SPTBN2: variants seen among roughly 807,000 people sequenced by gnomAD.
SPTBN2 encodes the protein spectrin beta chain, non-erythrocytic 2.
SPTBN2 carries 107 observed loss-of-function variants against 284.2 expected under a neutral mutation model. That is an observed-to-expected ratio of 0.38 (90% CI 0.32 to 0.44). The LOEUF (loss-of-function observed/expected upper bound fraction) is 0.44. Among genes scored for constraint, SPTBN2 ranks in the 20% least tolerant of loss-of-function variants. SPTBN2 has a pLI of 1.00. For missense variants in SPTBN2, 2,569 were observed against 3,287.1 expected (o/e 0.78, Z 5.34); for synonymous variants, 1,289 against 1,354.8 (o/e 0.95, Z 1.07).
At chr11:66,722,279 A>G (rs1365256331) in intron 1 of SPTBN2, among the ~76,000 whole-genome samples, 1 of 152,088 alleles carries the variant, frequency 6.6e-6, no homozygotes, top group East Asian at 1.9e-4. Context: ...AAGCTGCACA[A>G]AAGATATTAA....
Position 66,704,871 on chromosome 11 carries a change from G to C in SPTBN2, c.2405C>G (p.Thr802Ser). Residue 802 changes from threonine to serine, a missense_variant, in exon 15 of 38, where the codon ACC (threonine) becomes AGC (serine). Thr to Ser is a moderately conservative substitution (Grantham distance 58). Coordinates refer to ENST00000533211, the MANE Select transcript of SPTBN2 (RefSeq NM_006946.4). ...LEEEIRSHRP[T>S]LDALREQAAA... ...TGCCTGTTCCCTCAAGGCGTCCAGG[G>C]TTGGCCGGTGGCTTCGAATCTCCTC... The C allele has an allele frequency of 6.2e-7, 1 of 1,610,644 alleles. No homozygotes were observed. Among genetic ancestry groups the C allele is most frequent in the Non-Finnish European group, 8.5e-7 (1 of 1,179,876 alleles).
At chr11:66,709,573 T>C (rs561280783) in intron 10 of SPTBN2, among the ~76,000 whole-genome samples, 1 of 152,380 alleles carries the variant, frequency 6.6e-6, no homozygotes, top group Admixed American at 6.5e-5. Flanking sequence ...TTTCAGTGGC[T>C]GCCCATGACT....
At chr11:66,713,255 C>A (rs1941971053) in intron 8 of SPTBN2, among the ~76,000 whole-genome samples, 1 of 151,458 alleles carries the variant, frequency 6.6e-6, no homozygotes, top group Non-Finnish European at 1.5e-5. Context: ...ATTGTCACAC[C>A]ATAAAATTCA....
chr11:66,694,664 C>A (rs143379919), intron 21 of SPTBN2, among the ~76,000 whole-genome samples: 1 of 152,206 alleles, frequency 6.6e-6, no homozygotes, highest in African/African-American at 2.4e-5. Flanking sequence ...CACCCACACC[C>A]GCGAATCTAA....
intron 29 of SPTBN2, 119 bp downstream of exon 29, chr11:66,689,686 G>A: frequency 1.4e-6 from 2 of 1,476,444 alleles, no homozygotes; most frequent in South Asian, 1.1e-5. Flanking sequence ...GAATGGCACT[G>A]AGGGGAGAGA....
intron 1 of SPTBN2, chr11:66,728,251 G>T: frequency 6.9e-6 from 1 of 145,750 alleles, no homozygotes; most frequent in South Asian, 2.0e-4. Context: ...CGCGACGGGC[G>T]GTTGCAGGCA....
At chr11:66,716,300 G>A (rs1309598785) in intron 3 of SPTBN2, among the ~76,000 whole-genome samples, 3 of 152,086 alleles carry the variant, frequency 2.0e-5, no homozygotes, top group Admixed American at 6.6e-5. Flanking sequence ...TGGCTAACAC[G>A]GTGAAACCCC....
Position 66,705,061 on chromosome 11 carries a change from G to A in SPTBN2, c.2215C>T (p.Arg739Cys), listed in dbSNP as rs376230007. Reference sequence around the variant, plus strand: ...GCGGCTTGGGCCAGCCGCTGGGCACGCTCCTCGGCCAGGGCCTCTAGCCGC... The same window carrying A: ...GCGGCTTGGGCCAGCCGCTGGGCACACTCCTCGGCCAGGGCCTCTAGCCGC... ...WERLEALAEE[R>C]AQRLAQAASL... Residue 739 changes from arginine to cysteine, a missense_variant, in exon 15 of 38, where the codon CGT (arginine) becomes TGT (cysteine). Coordinates refer to ENST00000533211, the MANE Select transcript of SPTBN2 (RefSeq NM_006946.4). 12 of 1,592,806 alleles carry A rather than the reference G, an allele frequency of 7.5e-6. No individual in the cohort carries two copies. Among genetic ancestry groups the A allele is most frequent in the African/African-American group, 5.4e-5 (4 of 74,742 alleles).
intron 13 of SPTBN2, among the ~76,000 whole-genome samples, chr11:66,706,419 C>T (rs1335280087): frequency 2.6e-5 from 4 of 152,204 alleles, no homozygotes; most frequent in Non-Finnish European, 5.9e-5. Context: ...CAACCTCCAC[C>T]TCCCAGGTCC....
At position 66,710,479 on chromosome 11, in the gene SPTBN2, C is replaced by T; in HGVS notation, c.1073+103G>A. The T allele has an allele frequency of 8.5e-7, 1 of 1,176,562 alleles. No homozygotes were observed. The highest frequency in any genetic ancestry group is 1.2e-6 in the Non-Finnish European group (1 of 811,518). 72.9% of individuals were successfully genotyped at this position (1,176,562 alleles called of 1,614,324 possible). A position where few individuals can be genotyped will look rare whatever the true frequency, so the allele number is the denominator to read the frequency against. On this transcript the variant is annotated intron_variant, in intron 10 of 37. Coordinates refer to ENST00000533211, the MANE Select transcript of SPTBN2 (RefSeq NM_006946.4). The surrounding 1 kb of genome is among the most constrained non-coding windows in gnomAD (Gnocchi z 4.9). ...CTTCTGGTGTGGGAAATCTCCACTG[C>T]ATTTATGTACTGCCAAATTTCCCTC...
In SPTBN2 at chr11:66,693,693, G is replaced by C; in HGVS notation, c.4593+79C>G. 1.4e-6 allele frequency: 2 copies of C among 1,421,062 alleles called. No homozygotes were observed. Among genetic ancestry groups the C allele is most frequent in the Admixed American group, 3.9e-5 (2 of 51,038 alleles). The allele number at this position is 1,421,062 out of a possible 1,614,324, so 88.0% of individuals were successfully genotyped here. On this transcript the variant is annotated intron_variant, in intron 23 of 37. Coordinates refer to ENST00000533211, the MANE Select transcript of SPTBN2 (RefSeq NM_006946.4). The surrounding 1 kb of genome is among the most constrained non-coding windows in gnomAD (Gnocchi z 5.7). ...AGGGTTACACTCAGCATCGAGGGGG[G>C]CCTGGTCTTAAGAAAAAACACGTCC...
intron 1 of SPTBN2, among the ~76,000 whole-genome samples, chr11:66,723,173 A>G (rs1217528714): frequency 6.6e-6 from 1 of 151,976 alleles, no homozygotes; most frequent in Non-Finnish European, 1.5e-5. Context: ...CCTCAAAACT[A>G]AAAAATGAGG....
In SPTBN2 at chr11:66,687,907, TC is replaced by T; in HGVS notation, c.6461del (p.Gly2154AspfsTer163). 1.2e-6 allele frequency: 2 copies of T among 1,614,132 alleles called. No individual in the cohort carries two copies. The highest frequency in any genetic ancestry group is 1.7e-6 in the Non-Finnish European group (2 of 1,180,016). On this transcript the variant is annotated frameshift_variant, in exon 34 of 38. Transcript: ENST00000533211. LOFTEE classifies it high-confidence loss of function. This position sits in a 1 kb window ranked among gnomAD's most constrained non-coding sequence, Gnocchi z 5.2. ...AGCTGCTGTGCTCAAGTCTCTGTTGTCCCAGCAGGGGCTGCAAGGACAAGAA... is the reference window on the plus strand; with the variant it reads ...AGCTGCTGTGCTCAAGTCTCTGTTGTCCAGCAGGGGCTGCAAGGACAAGAA... The part of the protein sequence containing the change: ...TDGEPSQPLL[G>X]QQRLEHSSFP...
In SPTBN2 at chr11:66,687,928, CAAG is replaced by C; in HGVS notation, c.6451-13_6451-11del. On this transcript the variant is annotated splice_polypyrimidine_tract_variant and intron_variant, in intron 33 of 37. Transcript: ENST00000533211. This position sits in a 1 kb window ranked among gnomAD's most constrained non-coding sequence, Gnocchi z 5.2. Reference sequence around the variant, plus strand: ...GTTGTCCCAGCAGGGGCTGCAAGGACAAGAATCTGTAAAAGGATGTGCGGGGGT... The same window carrying C: ...GTTGTCCCAGCAGGGGCTGCAAGGACAATCTGTAAAAGGATGTGCGGGGGT... The C allele has an allele frequency of 6.2e-7, 1 of 1,614,174 alleles. No individual in the cohort carries two copies. Among genetic ancestry groups the C allele is most frequent in the Non-Finnish European group, 8.5e-7 (1 of 1,180,034 alleles).
In SPTBN2 at chr11:66,687,903, G is replaced by C. The variant is rs1381155111; in HGVS notation, c.6466C>G (p.Gln2156Glu). 3.1e-6 allele frequency: 5 copies of C among 1,614,210 alleles called. No individual in the cohort carries two copies. The South Asian group carries it at 5.5e-5, about 18-fold the overall frequency. ...GGGAAGCTGCTGTGCTCAAGTCTCT[G>C]TTGTCCCAGCAGGGGCTGCAAGGAC... ...GEPSQPLLGQQRLEHSSFPEG... is the reference protein window; with the variant it reads ...GEPSQPLLGQERLEHSSFPEG... The change falls in exon 34 of 38, where the codon CAG becomes GAG. Residue 2156 changes from glutamine (Q) to glutamate (E), a missense_variant. By Grantham distance (29) the Gln-to-Glu change is conservative. Transcript: ENST00000533211. The surrounding 1 kb of genome is among the most constrained non-coding windows in gnomAD (Gnocchi z 5.2).
In SPTBN2 at chr11:66,707,461, G is replaced by A. The variant is rs1271337226; in HGVS notation, c.1653+55C>T. Reference sequence around the variant, plus strand: ...GCAGACGGGCGGACGCACCCACTGTGGGGCCCCCTCGACTCTTGATCACTC... The same window carrying A: ...GCAGACGGGCGGACGCACCCACTGTAGGGCCCCCTCGACTCTTGATCACTC... On this transcript the variant is annotated intron_variant, in intron 13 of 37. Coordinates refer to ENST00000533211, the MANE Select transcript of SPTBN2 (RefSeq NM_006946.4). The surrounding 1 kb of genome is among the most constrained non-coding windows in gnomAD (Gnocchi z 4.9). 8.4e-6 allele frequency: 13 copies of A among 1,546,152 alleles called. No homozygotes were observed. The highest frequency in any genetic ancestry group is 1.4e-5 in the African/African-American group (1 of 73,216).
At position 66,686,864 on chromosome 11, in the gene SPTBN2, C is replaced by G. The variant is rs1940150486; in HGVS notation, c.6896+130G>C. ...CCGCCTCCCTCATCTACACTATCCC[C>G]AAGTGGCTGGCCTGGTTACTCCACT... On this transcript the variant is annotated intron_variant, in intron 36 of 37. Transcript: ENST00000533211. 3.2e-6 allele frequency: 4 copies of G among 1,244,754 alleles called. No homozygotes were observed. In the Admixed American group the frequency reaches 6.9e-5, roughly 22 times the overall value. The allele number at this position is 1,244,754 out of a possible 1,614,324, so 77.1% of individuals were successfully genotyped here.
rs753580074 is a variant in SPTBN2 at position 66,691,702 on chromosome 11, G to T, written c.5191-44C>A. The T allele has an allele frequency of 8.1e-6, 13 of 1,611,590 alleles. No individual in the cohort carries two copies. In the South Asian group the frequency reaches 1.3e-4, roughly 16 times the overall value. ...GGACAGACCATGCCGTGATGTTAGG[G>T]GATGTGGTCCCTGCCTGATGGAGCG... On this transcript the variant is annotated intron_variant, in intron 26 of 37. Coordinates refer to ENST00000533211, the MANE Select transcript of SPTBN2 (RefSeq NM_006946.4). The surrounding 1 kb of genome is among the most constrained non-coding windows in gnomAD (Gnocchi z 8.0).
In SPTBN2 at chr11:66,687,097, T is replaced by A. The variant is rs1185053921; in HGVS notation, c.6793A>T (p.Ser2265Cys). Residue 2265 changes from serine (S) to cysteine (C), a missense_variant, in exon 36 of 38, where the codon AGC becomes TGC. Ser to Cys is a moderately radical substitution (Grantham distance 112). Coordinates refer to ENST00000533211, the MANE Select transcript of SPTBN2 (RefSeq NM_006946.4). This position sits in a 1 kb window ranked among gnomAD's most constrained non-coding sequence, Gnocchi z 5.2. ...LGFYKDAKAA[S>C]AGVPYHGEVP... ...TCTCCGTGGTATGGCACTCCCGCGC[T>A]GGCTGCCTTGGCATCCTTGTAAAAG... 1 of 1,614,002 alleles carries A rather than the reference T, an allele frequency of 6.2e-7. No individual in the cohort carries two copies. The highest frequency in any genetic ancestry group is 8.5e-7 in the Non-Finnish European group (1 of 1,180,050).
Sources: allele counts gnomAD v4.1 joint callset (sites outside exome capture counted in the v4.1 genomes callset), GRCh38; gene constraint gnomAD v4.1.1; non-coding constraint Gnocchi (gnomAD v3.1); transcripts MANE v1.5; gene names NCBI Gene and HGNC (gene_info 2026-07-23, HGNC 2026-07-21).